The following CTPS2 variants were observed in gnomAD, a reference collection of about 807,000 sequenced individuals.
The protein encoded by CTPS2 is CTP synthase 2, also known as CTP synthase II.
In CTPS2, 19 loss-of-function variants were observed where a neutral mutation model predicts 46.8. That is an observed-to-expected ratio of 0.41 (90% CI 0.28 to 0.60). The LOEUF (loss-of-function observed/expected upper bound fraction) is 0.60. Among genes scored for constraint, CTPS2 ranks in the 20% least tolerant of loss-of-function variants. The pLI is 0.35. For synonymous variants in CTPS2, 151 were observed against 165.2 expected, an observed-to-expected ratio of 0.91 and a Z score of 0.66; for missense variants, 286 against 447.6, an observed-to-expected ratio of 0.64 and a Z score of 3.26.
chrX:16,702,686 A>C, intron 2 of CTPS2, 51 bp downstream of exon 2: 1 of 1,094,443 alleles, frequency 9.1e-7, no homozygotes. Context: ...AATGGAAGAA[A>C]GAATGCAGTT....
chrX:16,711,981 T>G (rs1235474330), intron 1 of CTPS2: 1 of 108,245 alleles, frequency 9.2e-6, no homozygotes, highest in Non-Finnish European at 1.9e-5. Flanking sequence ...AGGGCTCTCC[T>G]GGCTCCCGAG....
chrX:16,593,448 G>T (rs1425230378), intron 17 of CTPS2, among the ~76,000 whole-genome samples: 1 of 95,866 alleles, frequency 1.0e-5, no homozygotes. Flanking sequence ...AAAAAAAAAA[G>T]TCTGAATTCC....
chrX:16,698,843 G>A, intron 3 of CTPS2, 80 bp downstream of exon 3: 4 of 957,241 alleles, frequency 4.2e-6, no homozygotes, highest in Non-Finnish European at 5.7e-6. Flanking sequence ...GAGCCACCGT[G>A]CCCGGCCTTC....
intron 2 of CTPS2, among the ~76,000 whole-genome samples, chrX:16,699,572 T>C (rs998335538): frequency 1.8e-5 from 2 of 112,569 alleles, no homozygotes; most frequent in African/African-American, 6.4e-5. Flanking sequence ...GTGTGTGCCA[T>C]AAGCTACGTG....
At chrX:16,685,077 C>G (rs943256228) in intron 8 of CTPS2, among the ~76,000 whole-genome samples, 7 of 110,734 alleles carry the variant, frequency 6.3e-5, no homozygotes, top group Non-Finnish European at 1.3e-4. Flanking sequence ...GGCGACAGAG[C>G]CAGACTTCTT....
intron 11 of CTPS2, among the ~76,000 whole-genome samples, chrX:16,669,140 G>A (rs1921499626): frequency 9.1e-6 from 1 of 109,345 alleles, no homozygotes; most frequent in African/African-American, 3.3e-5. Context: ...GAGCATGGTG[G>A]GCAGCAGGGA....
intron 17 of CTPS2, among the ~76,000 whole-genome samples, chrX:16,607,085 C>T (rs754607304): frequency 5.1e-4 from 58 of 112,963 alleles, no homozygotes; most frequent in African/African-American, 1.8e-3. Context: ...ACCCGCCATG[C>T]GGGAATTGGC....
chrX:16,669,190 A>G (rs1921507605), intron 11 of CTPS2, among the ~76,000 whole-genome samples: 1 of 111,143 alleles, frequency 9.0e-6, no homozygotes, highest in African/African-American at 3.3e-5. Flanking sequence ...TCGGTGATGA[A>G]GGAAGGCAGA....
intron 15 of CTPS2, among the ~76,000 whole-genome samples, chrX:16,618,113 A>T (rs1412774757): frequency 9.0e-6 from 1 of 111,272 alleles, no homozygotes; most frequent in African/African-American, 3.3e-5. Flanking sequence ...CCCTGACCCG[A>T]TCCCCTGGCA....
intron 13 of CTPS2, among the ~76,000 whole-genome samples, chrX:16,646,022 C>T: frequency 8.9e-6 from 1 of 112,788 alleles, no homozygotes; most frequent in East Asian, 2.8e-4. Context: ...ATAAATTAGC[C>T]AGTCTCAGGT....
At chrX:16,605,199 T>C (rs1929902259) in intron 17 of CTPS2, among the ~76,000 whole-genome samples, 1 of 111,915 alleles carries the variant, frequency 8.9e-6, no homozygotes. Context: ...AAAATGCCTA[T>C]GTGACCAGCC....
intron 1 of CTPS2, among the ~76,000 whole-genome samples, chrX:16,704,547 C>T (rs1042778496): frequency 2.0e-4 from 22 of 111,917 alleles, no homozygotes; most frequent in African/African-American, 6.8e-4. Flanking sequence ...AATTTTAGGG[C>T]AGTGAAACTA....
At chrX:16,630,071 C>T (rs1006950278) in intron 14 of CTPS2, among the ~76,000 whole-genome samples, 52 of 110,015 alleles carry the variant, frequency 4.7e-4, no homozygotes, top group African/African-American at 1.7e-3. Context: ...ACCTGAGGAG[C>T]TCTCCCTGGC....
At chrX:16,630,231 C>T (rs950602685) in intron 14 of CTPS2, among the ~76,000 whole-genome samples, 3 of 107,489 alleles carry the variant, frequency 2.8e-5, no homozygotes, top group African/African-American at 1.0e-4. Flanking sequence ...CTCCTAATTC[C>T]TTCAAGTTTG....
chrX:16,678,318 C>A, intron 10 of CTPS2, 44 bp downstream of exon 10: 2 of 847,936 alleles, frequency 2.4e-6, no homozygotes, highest in Non-Finnish European at 3.5e-6. Flanking sequence ...AGAAAAAGTA[C>A]AATGGTCCTA....
intron 13 of CTPS2, chrX:16,654,755 A>AAGAG (rs79064086): frequency 0.024 from 3,530 of 146,425 alleles, 170 homozygotes; most frequent in African/African-American, 0.11. Flanking sequence ...AGATTTAAAA[A>AAGAG]AGAGAGAGAG....
chrX:16,590,941 A>C, intron 17 of CTPS2, 79 bp from the exon 18 acceptor site: 1 of 668,715 alleles, frequency 1.5e-6, no homozygotes, highest in East Asian at 3.2e-5. Flanking sequence ...TTTCAAACAC[A>C]TTCCATATTA....
intron 17 of CTPS2, among the ~76,000 whole-genome samples, chrX:16,601,286 G>T (rs1929641451): frequency 9.0e-6 from 1 of 111,088 alleles, no homozygotes; most frequent in South Asian, 3.8e-4. Context: ...GCCTGGGAGA[G>T]TGAAATGCAC....
chrX:16,665,754 GTT>G (rs1439172243), intron 13 of CTPS2, among the ~76,000 whole-genome samples: 1 of 111,654 alleles, frequency 9.0e-6, no homozygotes, highest in Non-Finnish European at 1.9e-5. Context: ...ACAGTTTTTT[GTT>G]TGTTTGTTTT....
Sources: allele counts gnomAD v4.1 joint callset (sites outside exome capture counted in the v4.1 genomes callset), GRCh38; gene constraint gnomAD v4.1.1; transcripts MANE v1.5; gene names NCBI Gene and HGNC (gene_info 2026-07-23, HGNC 2026-07-21).